The following SAMD3 variants were observed in gnomAD, a reference collection of about 807,000 sequenced individuals.
SAMD3 encodes the protein sterile alpha motif domain containing 3, also known as sterile alpha motif domain-containing protein 3.
SAMD3 carries 63 observed loss-of-function variants against 58.5 expected under a neutral mutation model. The observed-to-expected ratio is 1.08, with a 90% CI of 0.88 to 1.33. SAMD3 has a LOEUF of 1.33. Among genes scored for constraint, SAMD3 ranks in the 40% most tolerant of loss-of-function variants. SAMD3 has a pLI of 0.00. For missense variants in SAMD3, 604 were observed against 608.4 expected (o/e 0.99, Z 0.08); for synonymous variants, 220 against 210.3 (o/e 1.05, Z -0.40).
At chr6:130,231,500 G>T (rs1236807608) in intron 2 of SAMD3, among the ~76,000 whole-genome samples, 2 of 152,080 alleles carry the variant, frequency 1.3e-5, no homozygotes, top group Admixed American at 1.3e-4. Flanking sequence ...GGAGGCGGAG[G>T]TTGCCGTGAG....
chr6:130,249,938 C>G lies in SAMD3; in HGVS notation c.-187-27125G>C, dbSNP rs530732015. ...CGCTCTGAGGAAGTCCAGATACAAG[C>G]TTTATGGTAACAACCTAAAGGAGGG... On this transcript the variant is annotated intron_variant, in intron 2 of 13. Transcript: ENST00000368134. Among the ~76,000 whole-genome samples, 49 of 152,292 alleles carry G rather than the reference C, an allele frequency of 3.2e-4. 1 individual carries two copies. The highest frequency in any genetic ancestry group is 3.2e-3 in the Admixed American group (49 of 15,282).
chr6:130,202,641 C>T (rs1051412692), intron 5 of SAMD3, among the ~76,000 whole-genome samples: 1 of 152,142 alleles, frequency 6.6e-6, no homozygotes, highest in Non-Finnish European at 1.5e-5. Flanking sequence ...CTGGGTTAAA[C>T]AAAGTTAAGT....
intron 2 of SAMD3, among the ~76,000 whole-genome samples, chr6:130,278,909 G>A (rs1774883760): frequency 6.6e-6 from 1 of 152,122 alleles, no homozygotes; most frequent in Non-Finnish European, 1.5e-5. Flanking sequence ...AGACGGTGGG[G>A]AGACACGATG....
chr6:130,145,239 A>G (rs1788514907), intron 11 of SAMD3, 101 bp downstream of exon 11: 1 of 551,860 alleles, frequency 1.8e-6, no homozygotes, highest in Non-Finnish European at 2.9e-6. Context: ...GCCTGGGCAA[A>G]AGAGTGAGAC....
rs142667726 is a variant in SAMD3, at chr6:130,252,512, G to T, written c.-187-29699C>A. 3.6e-3 allele frequency among the ~76,000 whole-genome samples: 546 copies of T among 152,244 alleles called. 3 individuals are homozygous for T. Among genetic ancestry groups the T allele is most frequent in the Non-Finnish European group, 5.5e-3 (375 of 68,014 alleles). ...AAGTAGCTGCAAATAGCTCACTGGGGGGTGAAAACAAGGCAAATCACTTGG... is the reference window on the plus strand; with the variant it reads ...AAGTAGCTGCAAATAGCTCACTGGGTGGTGAAAACAAGGCAAATCACTTGG... On this transcript the variant is annotated intron_variant, in intron 2 of 13. Coordinates refer to the SAMD3 transcript ENST00000368134.
chr6:130,246,049 C>T (rs1388232959), intron 2 of SAMD3, among the ~76,000 whole-genome samples: 1 of 152,104 alleles, frequency 6.6e-6, no homozygotes, highest in Non-Finnish European at 1.5e-5. Context: ...ACTTAACAGC[C>T]ATTCCCCCAG....
intron 1 of SAMD3, among the ~76,000 whole-genome samples, chr6:130,333,724 G>A (rs145917714): frequency 6.7e-4 from 102 of 152,266 alleles, no homozygotes; most frequent in African/African-American, 2.4e-3. Flanking sequence ...TAGTCATTAA[G>A]GCTGCATAAA....
chr6:130,210,979 G>T (rs1216374366), intron 4 of SAMD3, among the ~76,000 whole-genome samples: 2 of 151,476 alleles, frequency 1.3e-5, no homozygotes, highest in Non-Finnish European at 2.9e-5. Context: ...AATTAGCTGG[G>T]CATGGTGGCA....
chr6:130,179,733 T>C (rs901206917), intron 7 of SAMD3, among the ~76,000 whole-genome samples: 6 of 152,024 alleles, frequency 3.9e-5, no homozygotes, highest in African/African-American at 1.4e-4. Flanking sequence ...ATGGATTGTA[T>C]ATGATATTAT....
intron 1 of SAMD3, among the ~76,000 whole-genome samples, chr6:130,319,294 T>C (rs902537779): frequency 3.6e-4 from 55 of 152,108 alleles, no homozygotes; most frequent in African/African-American, 1.3e-3. Flanking sequence ...CTAAGAATCT[T>C]AAAGAACTCC....
At chr6:130,272,984 GT>G (rs1774620097) in intron 2 of SAMD3, among the ~76,000 whole-genome samples, 1 of 152,008 alleles carries the variant, frequency 6.6e-6, no homozygotes, top group African/African-American at 2.4e-5. Flanking sequence ...GACACTTGGA[GT>G]TTTTTTATTT....
In SAMD3 at chr6:130,244,155, T is replaced by C. The variant is rs142335518; in HGVS notation, c.-187-21342A>G. On this transcript the variant is annotated intron_variant, in intron 2 of 13. Transcript: ENST00000368134. ...ATTGGGCTATGTAATTTAGTTTTAT[T>C]GGTTTATTTGATTTAAAGGAAAATA... 2.5e-3 allele frequency among the ~76,000 whole-genome samples: 375 copies of C among 152,340 alleles called. 1 individual carries two copies. Among genetic ancestry groups the C allele is most frequent in the African/African-American group, 8.7e-3 (362 of 41,586 alleles).
chr6:130,207,159 CAAAA>C (rs376844642), intron 5 of SAMD3, among the ~76,000 whole-genome samples: 1 of 52,706 alleles, frequency 1.9e-5, no homozygotes, highest in Admixed American at 2.0e-4. Context: ...CCCATCTCAT[CAAAA>C]AAAAAAAAAG....
chr6:130,347,545 T>C (rs1352500451), intron 1 of SAMD3, among the ~76,000 whole-genome samples: 1 of 151,982 alleles, frequency 6.6e-6, no homozygotes, highest in Non-Finnish European at 1.5e-5. Context: ...TAAGAAGAAA[T>C]GAACAAAGCC....
At chr6:130,198,207 A>C (rs1170191341) in intron 5 of SAMD3, among the ~76,000 whole-genome samples, 1 of 152,054 alleles carries the variant, frequency 6.6e-6, no homozygotes, top group African/African-American at 2.4e-5. Context: ...TGGTCTCTTC[A>C]CACGGACGCG....
chr6:130,343,092 T>C (rs752469194), intron 1 of SAMD3, among the ~76,000 whole-genome samples: 1 of 151,840 alleles, frequency 6.6e-6, no homozygotes, highest in South Asian at 2.1e-4. Context: ...TTTTGTCTAA[T>C]TTTATATTAA....
intron 8 of SAMD3, among the ~76,000 whole-genome samples, chr6:130,169,361 G>C (rs1791024859): frequency 6.6e-6 from 1 of 151,880 alleles, no homozygotes; most frequent in South Asian, 2.1e-4. Flanking sequence ...AAAGCTTTTT[G>C]CTTTACAGAA....
chr6:130,261,758 C>T (rs983639598), intron 2 of SAMD3, among the ~76,000 whole-genome samples: 1 of 152,148 alleles, frequency 6.6e-6, no homozygotes, highest in Non-Finnish European at 1.5e-5. Context: ...GACCAGCCAG[C>T]ATTAGAGGTG....
chr6:130,299,009 A>C (rs2114972867), intron 2 of SAMD3, among the ~76,000 whole-genome samples: 2 of 152,318 alleles, frequency 1.3e-5, no homozygotes, highest in Middle Eastern at 3.4e-3. Flanking sequence ...ATCCAATAAC[A>C]GTGGGTGACT....
Sources: allele counts gnomAD v4.1 joint callset (sites outside exome capture counted in the v4.1 genomes callset), GRCh38; gene constraint gnomAD v4.1.1; transcripts MANE v1.5; gene names NCBI Gene and HGNC (gene_info 2026-07-23, HGNC 2026-07-21).